DPT: variants seen among roughly 807,000 people sequenced by gnomAD.
The protein encoded by DPT is dermatopontin, also known as tyrosine-rich acidic matrix protein.
Under a neutral mutation model 31.2 loss-of-function variants are expected in DPT, and 21 were observed. The ratio of observed to expected loss-of-function variants is 0.67; its 90% confidence interval spans 0.48 to 0.97. The LOEUF is 0.97. Among genes scored for constraint, DPT ranks in the 50% least tolerant of loss-of-function variants. DPT has a pLI of 0.00. For synonymous variants in DPT, 91 were observed against 86.9 expected (o/e 1.05, Z -0.26); for missense variants, 262 against 258.8 (o/e 1.01, Z -0.08).
intron 1 of DPT, among the ~76,000 whole-genome samples, chr1:168,721,788 C>G (rs1193686860): frequency 2.0e-5 from 3 of 152,218 alleles, no homozygotes; most frequent in Non-Finnish European, 4.4e-5. Context: ...TACTGCTCAT[C>G]CTCCTGCCAC....
chr1:168,704,074 G>A (rs747284258), intron 2 of DPT, among the ~76,000 whole-genome samples: 4 of 152,234 alleles, frequency 2.6e-5, no homozygotes, highest in Non-Finnish European at 1.5e-5. Flanking sequence ...GAGGCTACAA[G>A]GAAGCAGAAT....
chr1:168,696,038 T>C lies in DPT; in HGVS notation c.*511A>G. On this transcript the variant is annotated 3_prime_UTR_variant, in exon 4 of 4. Transcript: ENST00000367817. Reference sequence around the variant, plus strand: ...AGCTCTGCACTTGGATTGCTAAGCATGCATGGCTCATGTGGAGCAGGGGAG... The same window carrying C: ...AGCTCTGCACTTGGATTGCTAAGCACGCATGGCTCATGTGGAGCAGGGGAG... The C allele has an allele frequency of 2.5e-6, 1 of 396,436 alleles. No individual in the cohort carries two copies. The highest frequency in any genetic ancestry group is 4.4e-6 in the Non-Finnish European group (1 of 225,230). The allele number at this position is 396,436 out of a possible 1,614,324, so 24.6% of individuals were successfully genotyped here.
chr1:168,719,992 G>T (rs1273095628), intron 1 of DPT, among the ~76,000 whole-genome samples: 1 of 152,108 alleles, frequency 6.6e-6, no homozygotes, highest in African/African-American at 2.4e-5. Context: ...TTATCTCAGG[G>T]TCATCACCCT....
In DPT at chr1:168,726,458, G is replaced by T. The variant is rs1650243671; in HGVS notation, c.305+2412C>A. On this transcript the variant is annotated intron_variant, in intron 1 of 3. Transcript: ENST00000367817. Reference sequence around the variant, plus strand: ...AAGCCAAGAGTGTTTTCAGGGGTGAGCCACAGCTCTGTGGAGCCTTCAGAG... The same window carrying T: ...AAGCCAAGAGTGTTTTCAGGGGTGATCCACAGCTCTGTGGAGCCTTCAGAG... 5.3e-5 allele frequency among the ~76,000 whole-genome samples: 8 copies of T among 152,342 alleles called. No individual in the cohort carries two copies. In the South Asian group the frequency reaches 1.7e-3, roughly 32 times the overall value.
chr1:168,703,094 CCTTA>C (rs1649640048), intron 2 of DPT, among the ~76,000 whole-genome samples: 1 of 152,026 alleles, frequency 6.6e-6, no homozygotes, highest in African/African-American at 2.4e-5. Flanking sequence ...TGTGTGTTTT[CCTTA>C]CTTCAGGGAA....
At chr1:168,706,013 T>C (rs572540948) in intron 2 of DPT, among the ~76,000 whole-genome samples, 2 of 152,364 alleles carry the variant, frequency 1.3e-5, no homozygotes, top group African/African-American at 4.8e-5. Context: ...CTGTGAGTTC[T>C]CCATTAAACC....
intron 1 of DPT, among the ~76,000 whole-genome samples, chr1:168,724,974 C>A (rs2207216): frequency 0.67 from 102,105 of 152,010 alleles, 35,437 homozygotes; most frequent in African/African-American, 0.86. Flanking sequence ...AATAAATGGA[C>A]CACTTTTCCT....
At chr1:168,718,584 C>T (rs7542028) in intron 1 of DPT, among the ~76,000 whole-genome samples, 17,636 of 152,118 alleles carry the variant, frequency 0.12, 1,184 homozygotes, top group African/African-American at 0.19. Flanking sequence ...GTGGGGGTAC[C>T]TTTTCACACT....
At chr1:168,714,146 C>G in intron 2 of DPT, 75 bp downstream of exon 2, 1 of 1,598,414 alleles carries the variant, frequency 6.3e-7, no homozygotes, top group Non-Finnish European at 8.5e-7. Context: ...CTCAAGCTTA[C>G]CTGAAGCTAG....
rs570332937 is a variant in DPT, at chr1:168,695,808, T to C, written c.*741A>G. On this transcript the variant is annotated 3_prime_UTR_variant, in exon 4 of 4. Coordinates refer to ENST00000367817, the MANE Select transcript of DPT (RefSeq NM_001937.5). The stretch of plus-strand genomic sequence containing the variant: ...AGTTCCCAATCTGAATCCCATTCTC[T>C]GACCATTCTCTGCTTCCTTGTTTTT... 1 of 177,020 alleles carries C rather than the reference T, an allele frequency of 5.6e-6. No homozygotes were observed. Among genetic ancestry groups the C allele is most frequent in the Admixed American group, 6.2e-5 (1 of 16,048 alleles). 11.0% of individuals were successfully genotyped at this position (177,020 alleles called of 1,614,324 possible).
chr1:168,715,965 G>C (rs943554045), intron 1 of DPT, among the ~76,000 whole-genome samples: 2 of 152,212 alleles, frequency 1.3e-5, no homozygotes, highest in Non-Finnish European at 2.9e-5. Context: ...GGGAAGATAA[G>C]TTTTCAGAAA....
At chr1:168,698,130 A>G (rs1649504938) in intron 3 of DPT, among the ~76,000 whole-genome samples, 1 of 152,172 alleles carries the variant, frequency 6.6e-6, no homozygotes, top group African/African-American at 2.4e-5. Context: ...TTCTAAACTG[A>G]AAAGTGGGGC....
At chr1:168,701,851 T>C (rs926309865) in intron 2 of DPT, among the ~76,000 whole-genome samples, 3 of 152,198 alleles carry the variant, frequency 2.0e-5, no homozygotes. Context: ...AAGAATAAAG[T>C]CTACCTTATA....
chr1:168,709,269 G>C (rs1287922060), intron 2 of DPT, among the ~76,000 whole-genome samples: 1 of 152,196 alleles, frequency 6.6e-6, no homozygotes, highest in Non-Finnish European at 1.5e-5. Flanking sequence ...TGAGCTGTTT[G>C]GAGAAGAGAG....
intron 2 of DPT, among the ~76,000 whole-genome samples, chr1:168,709,041 G>A (rs1341102829): frequency 6.6e-6 from 1 of 152,204 alleles, no homozygotes; most frequent in Non-Finnish European, 1.5e-5. Context: ...AGAATGCAAA[G>A]TCTGAGAGAC....
chr1:168,703,966 G>A (rs16861361), intron 2 of DPT, among the ~76,000 whole-genome samples: 4,503 of 152,280 alleles, frequency 0.03, 232 homozygotes, highest in African/African-American at 0.1. Flanking sequence ...GTCCTAATAA[G>A]TGAAAGCCCA....
chr1:168,705,174 G>A (rs776538644), intron 2 of DPT, among the ~76,000 whole-genome samples: 5 of 152,182 alleles, frequency 3.3e-5, no homozygotes, highest in East Asian at 1.9e-4. Context: ...GTGACTCAGC[G>A]TAAGGTTTTG....
intron 1 of DPT, among the ~76,000 whole-genome samples, chr1:168,720,805 C>A (rs914707037): frequency 6.6e-6 from 1 of 152,288 alleles, no homozygotes; most frequent in Admixed American, 6.5e-5. Context: ...AAAAGAGTTT[C>A]TTTCTTTTAG....
intron 1 of DPT, among the ~76,000 whole-genome samples, chr1:168,719,108 G>A (rs140793434): frequency 2.3e-4 from 35 of 152,222 alleles, no homozygotes; most frequent in Non-Finnish European, 2.1e-4. Flanking sequence ...TGAGTGACCC[G>A]ACTATGTCCC....
Sources: gnomAD v4.1 joint callset for allele counts (sites outside exome capture counted in the v4.1 genomes callset) on GRCh38, gnomAD v4.1.1 for gene constraint, MANE v1.5 for transcripts, NCBI Gene and HGNC (gene_info 2026-07-23, HGNC 2026-07-21) for gene names.